LRRC4C: variants seen among roughly 807,000 people sequenced by gnomAD.
The protein encoded by LRRC4C is leucine rich repeat containing 4C.
Under a neutral mutation model 33.6 loss-of-function variants are expected in LRRC4C, and 5 were observed. The ratio of observed to expected loss-of-function variants is 0.15; its 90% CI spans 0.08 to 0.31. The LOEUF is 0.31. Among genes scored for constraint, LRRC4C ranks in the 10% least tolerant of loss-of-function variants. The pLI, the probability that LRRC4C is intolerant of heterozygous loss-of-function variation, is 1.00. For synonymous variants in LRRC4C, 329 were observed against 302.0 expected (o/e 1.09, Z -0.93); for missense variants, 560 against 796.7 (o/e 0.70, Z 3.58).
At chr11:40,903,165 A>C (rs984837670) in intron 2 of LRRC4C, among the ~76,000 whole-genome samples, 1 of 152,190 alleles carries the variant, frequency 6.6e-6, no homozygotes, top group Non-Finnish European at 1.5e-5. Flanking sequence ...CCCATTTACC[A>C]TTCTAAAAAT....
chr11:40,753,888 T>C (rs1948814409), intron 2 of LRRC4C, among the ~76,000 whole-genome samples: 2 of 151,902 alleles, frequency 1.3e-5, no homozygotes. Flanking sequence ...TGAGATATCA[T>C]CTTACCTGAG....
intron 1 of LRRC4C, among the ~76,000 whole-genome samples, chr11:40,999,389 A>G (rs992235862): frequency 6.6e-5 from 10 of 152,302 alleles, no homozygotes; most frequent in African/African-American, 2.4e-4. Flanking sequence ...AATTTGTAGC[A>G]TTTCCAAAAT....
intron 2 of LRRC4C, among the ~76,000 whole-genome samples, chr11:40,748,299 A>G (rs1055451669): frequency 6.6e-6 from 1 of 152,110 alleles, no homozygotes; most frequent in East Asian, 1.9e-4. Flanking sequence ...TGAGCACACT[A>G]TATGTAGCAA....
At position 40,966,705 on chromosome 11, in the gene LRRC4C, T is replaced by A. The variant is rs1264464296; in HGVS notation, c.-495-32982A>T. Among the ~76,000 whole-genome samples, 2 of 151,896 alleles carry A rather than the reference T, an allele frequency of 1.3e-5. 1 individual carries two copies. The highest frequency in any genetic ancestry group is 4.1e-4 in the South Asian group (2 of 4,828). On this transcript the variant is annotated intron_variant, in intron 1 of 6. Transcript: ENST00000528697. Reference sequence around the variant, plus strand: ...AAGTTCTTCTTTTCCTTTCCTTGATTTTTCTCTTCATTGATGTTGTCCCTT... The same window carrying A: ...AAGTTCTTCTTTTCCTTTCCTTGATATTTCTCTTCATTGATGTTGTCCCTT...
chr11:40,407,794 T>C (rs1020659512), intron 3 of LRRC4C, among the ~76,000 whole-genome samples: 15 of 152,072 alleles, frequency 9.9e-5, no homozygotes, highest in African/African-American at 3.4e-4. Flanking sequence ...TTAAGACCAA[T>C]TTATTAACTA....
chr11:40,810,768 GC>G (rs1951454734), intron 2 of LRRC4C, among the ~76,000 whole-genome samples: 1 of 152,184 alleles, frequency 6.6e-6, no homozygotes, highest in South Asian at 2.1e-4. Flanking sequence ...TTGGTTTGGT[GC>G]CCAAAATATA....
chr11:40,896,425 T>C (rs1200182385), intron 2 of LRRC4C, among the ~76,000 whole-genome samples: 2 of 152,200 alleles, frequency 1.3e-5, no homozygotes, highest in African/African-American at 4.8e-5. Flanking sequence ...AAATCTTACT[T>C]GTAATTAGCA....
chr11:40,686,744 TGA>T (rs1362813816), intron 2 of LRRC4C, among the ~76,000 whole-genome samples: 1 of 152,108 alleles, frequency 6.6e-6, no homozygotes. Context: ...ATTAAGAGTT[TGA>T]GAAAAATTGA....
intron 1 of LRRC4C, among the ~76,000 whole-genome samples, chr11:41,384,475 C>G (rs1019142437): frequency 6.6e-6 from 1 of 151,610 alleles, no homozygotes; most frequent in Non-Finnish European, 1.5e-5. Context: ...AAAGAAATAG[C>G]AATCTTATCT....
At chr11:40,885,155 T>C (rs1955390855) in intron 2 of LRRC4C, among the ~76,000 whole-genome samples, 1 of 152,142 alleles carries the variant, frequency 6.6e-6, no homozygotes, top group Non-Finnish European at 1.5e-5. Context: ...CTTACTTTTA[T>C]ATCACAAATA....
At chr11:41,301,552 T>C (rs1455485396) in intron 1 of LRRC4C, among the ~76,000 whole-genome samples, 2 of 152,166 alleles carry the variant, frequency 1.3e-5, no homozygotes, top group African/African-American at 4.8e-5. Flanking sequence ...AACAATGGTC[T>C]ATGCAAGCAC....
At chr11:40,333,781 G>A (rs1214596398) in intron 3 of LRRC4C, among the ~76,000 whole-genome samples, 2 of 150,602 alleles carry the variant, frequency 1.3e-5, no homozygotes, top group East Asian at 2.0e-4. Flanking sequence ...TCTTAACTGA[G>A]GAACAGTTTC....
At chr11:40,293,849 C>T (rs1944369696) in intron 4 of LRRC4C, 1 of 152,428 alleles carries the variant, frequency 6.6e-6, no homozygotes, top group African/African-American at 2.4e-5. Context: ...CCGCGCCGCC[C>T]TTAGCGCCAT....
intron 1 of LRRC4C, among the ~76,000 whole-genome samples, chr11:41,037,127 T>G (rs1387042361): frequency 6.8e-6 from 1 of 146,748 alleles, no homozygotes; most frequent in Non-Finnish European, 1.5e-5. Context: ...ATCAAAGGCT[T>G]TTTTCTCTCA....
Position 40,385,385 on chromosome 11 carries a change from TCTAA to T in LRRC4C, c.-269-65668_-269-65665del, listed in dbSNP as rs563125683. Among the ~76,000 whole-genome samples the T allele has an allele frequency of 3.4e-4, 52 of 152,348 alleles. 2 individuals carry two copies. The highest frequency in any genetic ancestry group is 1.2e-3 in the African/African-American group (48 of 41,588). Reference sequence around the variant, plus strand: ...CATTCAAGTTTTTGAGTTCTATCTATCTAACTATGTGATCCTAAACATATGTCAA... The same window carrying T: ...CATTCAAGTTTTTGAGTTCTATCTATCTATGTGATCCTAAACATATGTCAA... On this transcript the variant is annotated intron_variant, in intron 3 of 6. Transcript: ENST00000528697.
chr11:40,629,803 CCTCTTTATTTTATACAA>C (rs1225888365), intron 3 of LRRC4C, among the ~76,000 whole-genome samples: 1 of 152,046 alleles, frequency 6.6e-6, no homozygotes, highest in Non-Finnish European at 1.5e-5. Context: ...GCACCATTTG[CCTCTTTATTTTATACAA>C]AAATATATAT....
At chr11:40,453,732 A>T (rs1686724101) in intron 3 of LRRC4C, among the ~76,000 whole-genome samples, 1 of 152,172 alleles carries the variant, frequency 6.6e-6, no homozygotes, top group Non-Finnish European at 1.5e-5. Flanking sequence ...TATGCACATT[A>T]TATGACATGT....
chr11:40,951,767 T>C (rs1958700246), intron 1 of LRRC4C, among the ~76,000 whole-genome samples: 1 of 151,980 alleles, frequency 6.6e-6, no homozygotes, highest in South Asian at 2.1e-4. Flanking sequence ...AGATCAGATG[T>C]AATATACCTC....
In LRRC4C at chr11:40,650,255, C is replaced by T. The variant is rs1271636273; in HGVS notation, c.-406-1977G>A. 8.5e-5 allele frequency among the ~76,000 whole-genome samples: 13 copies of T among 152,230 alleles called. No individual in the cohort carries two copies. The East Asian group carries it at 2.1e-3, about 25-fold the overall frequency. ...TAGACCAAAGCAAAATGGAGCCACT[C>T]ATGTTAAGTGTCATGAAGACGAAGT... On this transcript the variant is annotated intron_variant, in intron 2 of 6. Coordinates refer to ENST00000528697, the MANE Select transcript of LRRC4C (RefSeq NM_001258419.2).
Sources: allele counts gnomAD v4.1 joint callset (sites outside exome capture counted in the v4.1 genomes callset), GRCh38; gene constraint gnomAD v4.1.1; transcripts MANE v1.5; gene names NCBI Gene and HGNC (gene_info 2026-07-23, HGNC 2026-07-21).